NTM: variants seen among roughly 807,000 people sequenced by gnomAD.
NTM encodes the protein neurotrimin, also known as IgLON family member 2.
NTM carries 13 observed loss-of-function variants against 42.1 expected under a neutral mutation model. The ratio of observed to expected loss-of-function variants is 0.31; its 90% confidence interval spans 0.20 to 0.49. NTM has a LOEUF of 0.49. Ranked by LOEUF, NTM falls within the 20% of genes least tolerant of loss-of-function variation. NTM has a pLI of 0.99. For missense variants in NTM, 373 were observed against 452.8 expected (o/e 0.82, Z 1.60); for synonymous variants, 187 against 179.2 (o/e 1.04, Z -0.35).
At chr11:132,197,655 C>G (rs1180188518) in intron 3 of NTM, among the ~76,000 whole-genome samples, 2 of 120,054 alleles carry the variant, frequency 1.7e-5, no homozygotes, top group African/African-American at 3.2e-5. Flanking sequence ...CCCCTCCCCC[C>G]ACCCCACAAC....
At chr11:132,213,386 C>A (rs1439086065) in intron 4 of NTM, among the ~76,000 whole-genome samples, 1 of 152,100 alleles carries the variant, frequency 6.6e-6, no homozygotes, top group Non-Finnish European at 1.5e-5. Context: ...GGAGCTGGTC[C>A]TCTACATCGG....
chr11:132,226,858 C>T (rs1001549711), intron 4 of NTM, among the ~76,000 whole-genome samples: 4 of 152,196 alleles, frequency 2.6e-5, no homozygotes, highest in Non-Finnish European at 5.9e-5. Flanking sequence ...AGTATTAAGA[C>T]TGACTATAAG....
At chr11:132,134,189 C>T (rs2067319257) in intron 2 of NTM, among the ~76,000 whole-genome samples, 1 of 152,106 alleles carries the variant, frequency 6.6e-6, no homozygotes, top group African/African-American at 2.4e-5. Context: ...TCTCAAAATG[C>T]TGGGATTACA....
intron 1 of NTM, among the ~76,000 whole-genome samples, chr11:131,625,710 C>G (rs924381227): frequency 6.6e-6 from 1 of 152,318 alleles, no homozygotes; most frequent in African/African-American, 2.4e-5. Context: ...TCACCAGGCC[C>G]TGTTGTGCTC....
Position 132,158,790 on chromosome 11 carries a change from C to G in NTM, c.400+12276C>G, listed in dbSNP as rs545465870. Among the ~76,000 whole-genome samples the G allele has an allele frequency of 1.3e-4, 20 of 152,286 alleles. No homozygotes were observed. The South Asian group carries it at 4.1e-3, about 32-fold the overall frequency. On this transcript the variant is annotated intron_variant, in intron 3 of 8. Transcript: ENST00000683400. Reference sequence around the variant, plus strand: ...TAGTCTCAGACCAGGTGACATTCAGCTGAGTTTTGCAGTGTGCATTTTCTT... The same window carrying G: ...TAGTCTCAGACCAGGTGACATTCAGGTGAGTTTTGCAGTGTGCATTTTCTT...
chr11:132,048,964 GAGA>G (rs1374629235), intron 2 of NTM, among the ~76,000 whole-genome samples: 1 of 152,016 alleles, frequency 6.6e-6, no homozygotes, highest in Non-Finnish European at 1.5e-5. Context: ...TGACCTGAGA[GAGA>G]AGGACTTCTG....
rs533665982 is a variant in NTM, at chr11:132,176,320, G to A, written c.400+29806G>A. Among the ~76,000 whole-genome samples, 152 of 150,352 alleles carry A rather than the reference G, an allele frequency of 1.0e-3. 1 individual carries two copies. Among genetic ancestry groups the A allele is most frequent in the African/African-American group, 3.5e-3 (145 of 40,850 alleles). On this transcript the variant is annotated intron_variant, in intron 3 of 8. Coordinates refer to ENST00000683400, the MANE Select transcript of NTM (RefSeq NM_001352005.2). ...ATTTCTAAAAGATGGGTTTGGTCAA[G>A]TTTGGTCAATTATGGATATAGAAGC...
chr11:131,941,379 A>T (rs2059775768), intron 2 of NTM, among the ~76,000 whole-genome samples: 1 of 152,162 alleles, frequency 6.6e-6, no homozygotes, highest in South Asian at 2.1e-4. Context: ...CCATCAGCAA[A>T]AGAGCCATGG....
intron 2 of NTM, among the ~76,000 whole-genome samples, chr11:131,973,504 T>C (rs548144835): frequency 6.6e-6 from 1 of 152,354 alleles, no homozygotes; most frequent in Admixed American, 6.5e-5. Context: ...TGCTTTGTTC[T>C]TCTCATCTTG....
chr11:131,759,050 G>T (rs554641494), intron 1 of NTM, among the ~76,000 whole-genome samples: 14 of 152,262 alleles, frequency 9.2e-5, no homozygotes, highest in Non-Finnish European at 1.8e-4. Context: ...GTCATCCAAA[G>T]AAAATAAAGC....
chr11:131,846,607 T>G (rs901818931), intron 1 of NTM, among the ~76,000 whole-genome samples: 7 of 152,206 alleles, frequency 4.6e-5, no homozygotes, highest in African/African-American at 1.7e-4. Context: ...ATGTTAAATT[T>G]GAGTATGAAT....
intron 1 of NTM, chr11:131,538,147 T>G (rs1409752254): frequency 6.6e-6 from 1 of 152,232 alleles, no homozygotes; most frequent in Non-Finnish European, 1.5e-5. Context: ...AACAACTTTC[T>G]TCATTTGAAA....
At position 131,635,268 on chromosome 11, in the gene NTM, A is replaced by G. The variant is rs574672544; in HGVS notation, c.82+264380A>G. On this transcript the variant is annotated intron_variant, in intron 1 of 8. Transcript: ENST00000683400. ...TTCAGGAGGGATTCCAGAATAAGGC[A>G]TTGCTATCACAGGAGATGACATCTC... Among the ~76,000 whole-genome samples, 22 of 152,324 alleles carry G rather than the reference A, an allele frequency of 1.4e-4. No homozygotes were observed. The South Asian group carries it at 4.6e-3, about 32-fold the overall frequency.
At chr11:131,915,105 A>G (rs1420768274) in intron 2 of NTM, among the ~76,000 whole-genome samples, 2 of 152,204 alleles carry the variant, frequency 1.3e-5, no homozygotes, top group Non-Finnish European at 2.9e-5. Context: ...AAACAGTAAC[A>G]TTTACTCCTC....
chr11:132,148,401 C>T (rs1859135015), intron 3 of NTM, among the ~76,000 whole-genome samples: 2 of 152,144 alleles, frequency 1.3e-5, no homozygotes, highest in Admixed American at 1.3e-4. Context: ...CATCTGCATA[C>T]TCTACCAGGT....
chr11:131,650,464 T>G (rs2066339690), intron 1 of NTM, among the ~76,000 whole-genome samples: 1 of 152,220 alleles, frequency 6.6e-6, no homozygotes, highest in African/African-American at 2.4e-5. Flanking sequence ...TTGCCAGAGC[T>G]TTTGAAAGTT....
At chr11:131,756,845 G>A (rs2083409130) in intron 1 of NTM, among the ~76,000 whole-genome samples, 1 of 152,204 alleles carries the variant, frequency 6.6e-6, no homozygotes, top group Admixed American at 6.5e-5. Context: ...TTTATGGCCA[G>A]TAAATTCCCA....
chr11:131,819,851 C>T (rs994454100), intron 1 of NTM, among the ~76,000 whole-genome samples: 1 of 152,056 alleles, frequency 6.6e-6, no homozygotes, highest in Non-Finnish European at 1.5e-5. Flanking sequence ...GCAGCAGCAC[C>T]CTGTTAATGG....
intron 1 of NTM, among the ~76,000 whole-genome samples, chr11:131,873,378 G>A (rs11222825): frequency 0.5 from 74,877 of 150,106 alleles, 18,913 homozygotes; most frequent in East Asian, 0.75. Flanking sequence ...GGGGGCAAGG[G>A]GAGATACAGC....
Sources: gnomAD v4.1 joint callset for allele counts (sites outside exome capture counted in the v4.1 genomes callset) on GRCh38, gnomAD v4.1.1 for gene constraint, MANE v1.5 for transcripts, NCBI Gene and HGNC (gene_info 2026-07-23, HGNC 2026-07-21) for gene names.